Variants in SPATA13 observed in about 807,000 individuals in gnomAD.
SPATA13 encodes spermatogenesis associated 13, also known as spermatogenesis-associated protein 13.
Under a neutral mutation model 104.0 loss-of-function variants are expected in SPATA13, and 50 were observed. The observed-to-expected ratio is 0.48, with a 90% confidence interval of 0.38 to 0.61. SPATA13 has a LOEUF of 0.61. Among genes scored for constraint, SPATA13 ranks in the 20% least tolerant of loss-of-function variants. SPATA13 has a pLI of 0.00. For synonymous variants in SPATA13, 606 were observed against 667.5 expected, an observed-to-expected ratio of 0.91 and a Z score of 1.42; for missense variants, 1,524 against 1,690.6, an observed-to-expected ratio of 0.90 and a Z score of 1.73.
At chr13:24,274,051 CT>C (rs944331641) in intron 4 of SPATA13, among the ~76,000 whole-genome samples, 12 of 152,134 alleles carry the variant, frequency 7.9e-5, no homozygotes, top group African/African-American at 2.9e-4. Context: ...GGGAAAGTTG[CT>C]CCAGGCGGAG....
chr13:24,062,757 G>C (rs181443103), intron 3 of SPATA13, among the ~76,000 whole-genome samples: 20 of 152,252 alleles, frequency 1.3e-4, no homozygotes, highest in African/African-American at 4.8e-4. Flanking sequence ...GTGTCTGCAT[G>C]TGTCCACATG....
chr13:23,982,168 A>AT lies in SPATA13; in HGVS notation c.-353-1553dup, dbSNP rs532293269. On this transcript the variant is annotated intron_variant, in intron 1 of 14. Transcript: ENST00000424834. ...ATTTAAGTTTTTATTAACTTTTTAAATTTTTTGTCAGATTTCTTACTTTCC... is the reference window on the plus strand; with the variant it reads ...ATTTAAGTTTTTATTAACTTTTTAAATTTTTTTGTCAGATTTCTTACTTTCC... Among the ~76,000 whole-genome samples the AT allele has an allele frequency of 4.1e-3, 624 of 152,302 alleles. 4 individuals carry two copies. The highest frequency in any genetic ancestry group is 0.014 in the African/African-American group (581 of 41,564).
chr13:24,034,519 A>G (rs1241915030), intron 3 of SPATA13: 1 of 152,230 alleles, frequency 6.6e-6, no homozygotes, highest in Non-Finnish European at 1.5e-5. Flanking sequence ...CTATATATAT[A>G]TAACAGATAT....
intron 3 of SPATA13, among the ~76,000 whole-genome samples, chr13:24,076,483 C>T (rs1879330314): frequency 6.6e-6 from 1 of 152,106 alleles, no homozygotes. Flanking sequence ...TTTTGCTTCT[C>T]AATTGTTGTT....
rs1877315468 is a variant in SPATA13 at position 24,302,942 on chromosome 13, A to C, written c.*169A>C. The C allele has an allele frequency of 2.4e-6, 2 of 818,910 alleles. No homozygotes were observed. The highest frequency in any genetic ancestry group is 3.8e-6 in the Non-Finnish European group (2 of 522,730). 50.7% of individuals were successfully genotyped at this position (818,910 alleles called of 1,614,324 possible). A position where few individuals can be genotyped will look rare whatever the true frequency, so the allele number is the denominator to read the frequency against. ...AATCACCTTCAGTCTTTGGAGACCCAGCTGCCTTTGTGGAAGGGAGGAGAC... is the reference window on the plus strand; with the variant it reads ...AATCACCTTCAGTCTTTGGAGACCCCGCTGCCTTTGTGGAAGGGAGGAGAC... On this transcript the variant is annotated 3_prime_UTR_variant, in exon 13 of 13. Coordinates refer to ENST00000382108, the MANE Select transcript of SPATA13 (RefSeq NM_001166271.3).
intron 1 of SPATA13, among the ~76,000 whole-genome samples, chr13:24,180,541 T>G (rs914990312): frequency 5.3e-5 from 8 of 152,200 alleles, no homozygotes; most frequent in Non-Finnish European, 1.0e-4. Context: ...TCAGCCAGGA[T>G]TTTGATAGGA....
chr13:24,223,254 C>A lies in SPATA13; in HGVS notation c.325C>A (p.Arg109=), dbSNP rs374680225. 6.4e-7 allele frequency: 1 copy of A among 1,551,690 alleles called. No homozygotes were observed. Residue 109 remains arginine (R), a synonymous_variant, in exon 2 of 13, where the codon CGG becomes AGG. Transcript: ENST00000382108. ...CACATGGAACACCCTCGCCTCCTTC[C>A]GGAAAATGGGATCCTTTAAGAAACT... is the stretch of plus-strand genomic sequence containing the variant. ...SSTWNTLASF[R]KMGSFKKLKS... is the part of the protein sequence containing the mutation.
chr13:23,988,640 G>A (rs879930630), intron 2 of SPATA13, among the ~76,000 whole-genome samples: 6 of 152,146 alleles, frequency 3.9e-5, no homozygotes, highest in African/African-American at 1.2e-4. Context: ...TGTCTCCCAA[G>A]CCCTCACCAA....
chr13:24,122,192 A>G (rs1881051135), intron 3 of SPATA13: 3 of 1,503,446 alleles, frequency 2.0e-6, no homozygotes, highest in Non-Finnish European at 2.8e-6. Flanking sequence ...ATCAGCCAGC[A>G]TTGCTATATA....
At chr13:24,071,342 C>A (rs906193923) in intron 3 of SPATA13, among the ~76,000 whole-genome samples, 1 of 152,162 alleles carries the variant, frequency 6.6e-6, no homozygotes, top group Admixed American at 6.5e-5. Flanking sequence ...TGCTGAACTT[C>A]AGGAAACTGT....
chr13:24,189,955 A>ATG (rs1426333085), intron 1 of SPATA13, among the ~76,000 whole-genome samples: 2 of 98,420 alleles, frequency 2.0e-5, no homozygotes, highest in African/African-American at 8.2e-5. Flanking sequence ...ATAATATATT[A>ATG]TATAATTATA....
intron 3 of SPATA13, among the ~76,000 whole-genome samples, chr13:24,133,304 C>T (rs1881447275): frequency 6.6e-6 from 1 of 152,132 alleles, no homozygotes; most frequent in Non-Finnish European, 1.5e-5. Flanking sequence ...TTAAGTTCAT[C>T]TGGTAGAGAT....
intron 7 of SPATA13, 93 bp downstream of exon 7, chr13:24,287,043 C>A: frequency 1.0e-5 from 11 of 1,078,872 alleles, no homozygotes; most frequent in Middle Eastern, 2.9e-4. Context: ...CCCGCCCCCC[C>A]ATCAGGCTCC....
intron 3 of SPATA13, among the ~76,000 whole-genome samples, chr13:24,019,854 A>G (rs1346888790): frequency 6.6e-6 from 1 of 152,230 alleles, no homozygotes; most frequent in Admixed American, 6.5e-5. Context: ...TAGCGTTCAC[A>G]GGCATAGATT....
intron 2 of SPATA13, among the ~76,000 whole-genome samples, chr13:24,009,061 C>G (rs1173427374): frequency 3.9e-5 from 6 of 152,198 alleles, no homozygotes; most frequent in Non-Finnish European, 8.8e-5. Flanking sequence ...GGGTAGGTCT[C>G]TTTGCTGTGG....
At chr13:24,218,734 A>G (rs989579932) in intron 1 of SPATA13, among the ~76,000 whole-genome samples, 1 of 137,442 alleles carries the variant, frequency 7.3e-6, no homozygotes, top group African/African-American at 2.9e-5. Flanking sequence ...TTTTTTTTTT[A>G]ATCTCATCAG....
chr13:24,213,504 A>G lies in SPATA13; in HGVS notation c.-111-9315A>G, dbSNP rs117921802. Among the ~76,000 whole-genome samples the G allele has an allele frequency of 3.7e-3, 568 of 152,144 alleles. 19 individuals are homozygous for G. In the East Asian group the frequency reaches 0.085, roughly 23 times the overall value. On this transcript the variant is annotated intron_variant, in intron 1 of 12. Transcript: ENST00000382108. Reference sequence around the variant, plus strand: ...CTGCTCTCAAACTCCCGACCTCATGATCCATCTGCCTCGGCCTCCCAAAGT... The same window carrying G: ...CTGCTCTCAAACTCCCGACCTCATGGTCCATCTGCCTCGGCCTCCCAAAGT...
intron 8 of SPATA13, 42 bp downstream of exon 8, chr13:24,289,220 A>G (rs775259940): frequency 2.0e-6 from 3 of 1,537,944 alleles, no homozygotes; most frequent in Non-Finnish European, 2.6e-6. Context: ...ATCTGCTTAC[A>G]TAATTTTGAA....
At chr13:24,065,110 CT>C (rs1482099543) in intron 3 of SPATA13, among the ~76,000 whole-genome samples, 1 of 152,126 alleles carries the variant, frequency 6.6e-6, no homozygotes, top group Non-Finnish European at 1.5e-5. Context: ...ATCTTTATAA[CT>C]TACGGTAGCA....
Sources: allele counts gnomAD v4.1 joint callset (sites outside exome capture counted in the v4.1 genomes callset), GRCh38; gene constraint gnomAD v4.1.1; transcripts MANE v1.5; gene names NCBI Gene and HGNC (gene_info 2026-07-23, HGNC 2026-07-21).